PALM2AKAP2: variants seen among roughly 807,000 people sequenced by gnomAD.
PALM2AKAP2 encodes PALM2 and AKAP2 fusion, also known as PALM2-AKAP2 fusion protein.
Under a neutral mutation model 71.5 loss-of-function variants are expected in PALM2AKAP2, and 37 were observed. The ratio of observed to expected loss-of-function variants is 0.52; its 90% CI spans 0.40 to 0.68. The LOEUF is 0.68. Among genes scored for constraint, PALM2AKAP2 ranks in the 30% least tolerant of loss-of-function variants. The pLI is 0.00. For missense variants in PALM2AKAP2, 1,224 were observed against 1,191.8 expected (o/e 1.03, Z -0.40); for synonymous variants, 468 against 478.8 (o/e 0.98, Z 0.29).
At chr9:110,123,522 CT>C (rs1325333555) in intron 1 of PALM2AKAP2, among the ~76,000 whole-genome samples, 1 of 152,062 alleles carries the variant, frequency 6.6e-6, no homozygotes, top group East Asian at 1.9e-4. Context: ...TTCTGAGGTC[CT>C]TGGTGTTAGG....
chr9:109,747,189 A>G (rs1828815662), intron 1 of PALM2AKAP2, among the ~76,000 whole-genome samples: 1 of 152,190 alleles, frequency 6.6e-6, no homozygotes, highest in African/African-American at 2.4e-5. Context: ...ACAGGTGCCC[A>G]AAAAGGCCAC....
At chr9:110,100,933 G>A (rs1216572174) in intron 1 of PALM2AKAP2, among the ~76,000 whole-genome samples, 1 of 152,138 alleles carries the variant, frequency 6.6e-6, no homozygotes, top group Non-Finnish European at 1.5e-5. Context: ...CTTCCGGGGA[G>A]GTGAGTGCCT....
At chr9:109,790,435 A>G (rs1232543569) in intron 1 of PALM2AKAP2, among the ~76,000 whole-genome samples, 1 of 152,192 alleles carries the variant, frequency 6.6e-6, no homozygotes, top group Non-Finnish European at 1.5e-5. Flanking sequence ...GTTACCAAAA[A>G]ATGTTATTCT....
At chr9:109,919,837 A>G (rs754810582) in intron 3 of PALM2AKAP2, among the ~76,000 whole-genome samples, 27 of 151,952 alleles carry the variant, frequency 1.8e-4, no homozygotes, top group Non-Finnish European at 3.1e-4. Flanking sequence ...AATGCTAACT[A>G]ACACGCCCTC....
intron 1 of PALM2AKAP2, among the ~76,000 whole-genome samples, chr9:109,733,319 A>G (rs747087520): frequency 7.9e-5 from 12 of 152,244 alleles, no homozygotes; most frequent in Admixed American, 1.3e-4. Flanking sequence ...AGTATGGTGT[A>G]TAATGAGAGC....
chr9:109,957,870 C>T (rs902471412), intron 6 of PALM2AKAP2, among the ~76,000 whole-genome samples: 3 of 152,170 alleles, frequency 2.0e-5, no homozygotes, highest in South Asian at 2.1e-4. Flanking sequence ...CAGCAGCACA[C>T]GGGTGCCCAG....
At chr9:110,028,663 T>C (rs1833224995) in intron 7 of PALM2AKAP2, among the ~76,000 whole-genome samples, 3 of 152,132 alleles carry the variant, frequency 2.0e-5, no homozygotes. Context: ...TATTTTTTTT[T>C]AATTAGCTAA....
intron 1 of PALM2AKAP2, among the ~76,000 whole-genome samples, chr9:110,117,200 G>C (rs1835382381): frequency 6.6e-6 from 1 of 152,096 alleles, no homozygotes; most frequent in Non-Finnish European, 1.5e-5. Context: ...GCTCACTGCA[G>C]CCTCAACCTC....
chr9:109,907,860 G>A (rs1020996740), intron 3 of PALM2AKAP2, among the ~76,000 whole-genome samples: 3 of 152,204 alleles, frequency 2.0e-5, no homozygotes, highest in Non-Finnish European at 2.9e-5. Context: ...TCAGTTGGAA[G>A]CCTCCCAGCC....
chr9:110,122,898 A>G (rs1169390331), intron 1 of PALM2AKAP2, among the ~76,000 whole-genome samples: 3 of 152,024 alleles, frequency 2.0e-5, no homozygotes, highest in Non-Finnish European at 4.4e-5. Context: ...GCTGGATTCT[A>G]CTCTGGTCAT....
chr9:109,764,528 A>T (rs1056833506), intron 1 of PALM2AKAP2, among the ~76,000 whole-genome samples: 8 of 152,320 alleles, frequency 5.3e-5, no homozygotes, highest in Middle Eastern at 3.4e-3. Context: ...CAGTTCCCCT[A>T]GATCCCAAGA....
At chr9:110,108,512 C>A (rs1474123883) in intron 1 of PALM2AKAP2, among the ~76,000 whole-genome samples, 3 of 152,106 alleles carry the variant, frequency 2.0e-5, no homozygotes, top group Non-Finnish European at 4.4e-5. Flanking sequence ...TATTCTACTA[C>A]CCTAATATAA....
At chr9:110,099,274 C>A (rs1160413509) in intron 1 of PALM2AKAP2, among the ~76,000 whole-genome samples, 1 of 152,244 alleles carries the variant, frequency 6.6e-6, no homozygotes, top group African/African-American at 2.4e-5. Flanking sequence ...AGTTACCCTG[C>A]AGCCTTCTGC....
At position 109,841,216 on chromosome 9, in the gene PALM2AKAP2, G is replaced by T. The variant is rs555839680; in HGVS notation, c.46-26275G>T. Among the ~76,000 whole-genome samples the T allele has an allele frequency of 2.0e-5, 3 of 151,772 alleles. No individual in the cohort carries two copies. In the East Asian group the frequency reaches 5.9e-4, roughly 30 times the overall value. ...AAAGGATGAGTTCATGTCCTTTTTA[G>T]GGACATGGATGAAGCTGGAAACCAT... On this transcript the variant is annotated intron_variant, in intron 1 of 9. Coordinates refer to the PALM2AKAP2 transcript ENST00000302798.
intron 1 of PALM2AKAP2, among the ~76,000 whole-genome samples, chr9:109,795,495 A>G (rs1827227445): frequency 6.6e-6 from 1 of 152,258 alleles, no homozygotes. Flanking sequence ...AAAATTAAAA[A>G]AATGGTAAAT....
intron 2 of PALM2AKAP2, among the ~76,000 whole-genome samples, chr9:109,875,920 C>T (rs1256811405): frequency 1.3e-5 from 2 of 152,160 alleles, no homozygotes; most frequent in African/African-American, 4.8e-5. Flanking sequence ...TGTCCAGCTG[C>T]CAGCTCCCCA....
chr9:110,100,375 T>C (rs1350143124), intron 1 of PALM2AKAP2, among the ~76,000 whole-genome samples: 1 of 152,032 alleles, frequency 6.6e-6, no homozygotes, highest in African/African-American at 2.4e-5. Context: ...ACCTAGTCTT[T>C]TCTTGGTCAC....
intron 3 of PALM2AKAP2, among the ~76,000 whole-genome samples, chr9:109,908,438 A>G (rs1830497581): frequency 6.6e-6 from 1 of 152,226 alleles, no homozygotes; most frequent in South Asian, 2.1e-4. Context: ...CAGCTCTGCC[A>G]CTTACTGGTG....
At chr9:109,741,799 G>A (rs1257021125) in intron 1 of PALM2AKAP2, among the ~76,000 whole-genome samples, 1 of 152,184 alleles carries the variant, frequency 6.6e-6, no homozygotes, top group African/African-American at 2.4e-5. Context: ...AATGCTGTAA[G>A]GTGGAGGAAA....
Sources: gnomAD v4.1 joint callset for allele counts (sites outside exome capture counted in the v4.1 genomes callset) on GRCh38, gnomAD v4.1.1 for gene constraint, MANE v1.5 for transcripts, NCBI Gene and HGNC (gene_info 2026-07-23, HGNC 2026-07-21) for gene names.